Variants in OTUD7A observed in about 807,000 individuals in gnomAD.
OTUD7A encodes the protein OTU deubiquitinase 7A, also known as OTU domain-containing protein 7A.
OTUD7A carries 12 observed loss-of-function variants against 65.7 expected under a neutral mutation model. The ratio of observed to expected loss-of-function variants is 0.18; its 90% confidence interval spans 0.12 to 0.30. OTUD7A has a LOEUF of 0.30. Ranked by LOEUF, OTUD7A falls within the 10% of genes least tolerant of loss-of-function variation. The pLI is 1.00. For synonymous variants in OTUD7A, 641 were observed against 586.3 expected, an observed-to-expected ratio of 1.09 and a Z score of -1.35; for missense variants, 1,148 against 1,304.8, an observed-to-expected ratio of 0.88 and a Z score of 1.85.
chr15:31,744,530 G>A (rs1027075361), intron 1 of OTUD7A, among the ~76,000 whole-genome samples: 2 of 151,932 alleles, frequency 1.3e-5, no homozygotes, highest in African/African-American at 4.8e-5. Flanking sequence ...AAAAAATCCT[G>A]CAACCTTGAA....
chr15:31,486,720 A>G (rs549332465), intron 12 of OTUD7A, among the ~76,000 whole-genome samples: 1 of 152,380 alleles, frequency 6.6e-6, no homozygotes, highest in African/African-American at 2.4e-5. Context: ...GGCGCCGAGG[A>G]ATCGCGCTCT....
Position 31,530,471 on chromosome 15 carries a change from C to T in OTUD7A, c.652+236G>A, listed in dbSNP as rs1311604081. On this transcript the variant is annotated intron_variant, in intron 6 of 12. Coordinates refer to ENST00000307050, the MANE Select transcript of OTUD7A (RefSeq NM_001382637.1). ...CCATCCCTGCAGCTATGCTCAAGGC[C>T]TCCTTCTATCACGCCAGGTCTTTTC... Among the ~76,000 whole-genome samples, 4 of 152,344 alleles carry T rather than the reference C, an allele frequency of 2.6e-5. No individual in the cohort carries two copies. The South Asian group carries it at 8.3e-4, about 32-fold the overall frequency.
chr15:31,789,365 A>T (rs1327021453), intron 1 of OTUD7A, among the ~76,000 whole-genome samples: 2 of 152,226 alleles, frequency 1.3e-5, no homozygotes, highest in Non-Finnish European at 2.9e-5. Flanking sequence ...GTCTGAAAGT[A>T]ATCCCCCAAA....
chr15:31,864,437 C>T (rs918536209), intron 1 of OTUD7A, among the ~76,000 whole-genome samples: 6 of 152,206 alleles, frequency 3.9e-5, no homozygotes, highest in South Asian at 2.1e-4. Flanking sequence ...CTCAGAATTA[C>T]GGCAGGGAGC....
intron 1 of OTUD7A, chr15:31,765,785 C>G: frequency 7.4e-7 from 1 of 1,360,244 alleles, no homozygotes; most frequent in South Asian, 1.2e-5. Flanking sequence ...TTAAAATCAG[C>G]ATTGGTTGCT....
chr15:31,866,315 A>T (rs1020886546), intron 1 of OTUD7A, among the ~76,000 whole-genome samples: 1 of 152,218 alleles, frequency 6.6e-6, no homozygotes, highest in African/African-American at 2.4e-5. Flanking sequence ...ACTCCCTCCC[A>T]GTCCTAGTCT....
intron 1 of OTUD7A, among the ~76,000 whole-genome samples, chr15:31,777,466 G>C (rs1309216333): frequency 2.0e-5 from 3 of 152,184 alleles, no homozygotes; most frequent in Non-Finnish European, 4.4e-5. Context: ...GTGGACCCTG[G>C]ATGAACTGTG....
chr15:31,656,953 T>C (rs541208802), intron 2 of OTUD7A, 30 bp downstream of exon 2: 1 of 152,824 alleles, frequency 6.5e-6, no homozygotes, highest in Admixed American at 6.5e-5. Context: ...TTTTAGTTGA[T>C]GCGGCCAGAA....
At chr15:31,570,597 T>G (rs1889021587) in intron 3 of OTUD7A, among the ~76,000 whole-genome samples, 1 of 152,178 alleles carries the variant, frequency 6.6e-6, no homozygotes, top group African/African-American at 2.4e-5. Flanking sequence ...TTGAAATAAT[T>G]CTCAAAGTTT....
intron 10 of OTUD7A, among the ~76,000 whole-genome samples, chr15:31,496,732 G>A: frequency 6.6e-6 from 1 of 152,252 alleles, no homozygotes; most frequent in South Asian, 2.1e-4. Context: ...GAGCATAGGT[G>A]AGCATTTGAT....
intron 1 of OTUD7A, among the ~76,000 whole-genome samples, chr15:31,729,355 T>A (rs1893979318): frequency 6.6e-6 from 1 of 152,218 alleles, no homozygotes; most frequent in South Asian, 2.1e-4. Context: ...TCCTGGTCTG[T>A]AATAATAACT....
At chr15:31,565,921 G>A (rs918707989) in intron 4 of OTUD7A, among the ~76,000 whole-genome samples, 21 of 152,132 alleles carry the variant, frequency 1.4e-4, no homozygotes, top group Non-Finnish European at 2.6e-4. Context: ...GGCCGGGCAC[G>A]GTGGCTCACG....
At chr15:31,781,425 G>A (rs1339250024) in intron 1 of OTUD7A, among the ~76,000 whole-genome samples, 1 of 152,076 alleles carries the variant, frequency 6.6e-6, no homozygotes, top group Non-Finnish European at 1.5e-5. Flanking sequence ...TCTCAGCTGG[G>A]GTCCCAGACA....
At chr15:31,857,400 G>A (rs1316521926) in intron 1 of OTUD7A, among the ~76,000 whole-genome samples, 1 of 152,066 alleles carries the variant, frequency 6.6e-6, no homozygotes, top group Non-Finnish European at 1.5e-5. Flanking sequence ...GGGGGCAGGG[G>A]CTGGGAGTAT....
chr15:31,659,041 GAATAAATAAATA>G (rs199748846), intron 1 of OTUD7A, among the ~76,000 whole-genome samples: 2,632 of 125,456 alleles, frequency 0.021, 58 homozygotes, highest in African/African-American at 0.071. Context: ...ATGAATGAAT[GAATAAATAAATA>G]AATAAATAAA....
chr15:31,645,197 A>G (rs180673960), intron 3 of OTUD7A, among the ~76,000 whole-genome samples: 4 of 152,320 alleles, frequency 2.6e-5, no homozygotes, highest in African/African-American at 9.6e-5. Context: ...CAAGGCAGTG[A>G]GCTGGGCAAT....
chr15:31,476,369 G>C lies in OTUD7A; in HGVS notation c.*6925C>G, dbSNP rs147556532. On this transcript the variant is annotated 3_prime_UTR_variant, in exon 13 of 13. Coordinates refer to ENST00000307050, the MANE Select transcript of OTUD7A (RefSeq NM_001382637.1). ...CTCCCCACTGCCAAGTCATCATTCCGTATCAGGTGTTTGGATTCCATTCCT... is the reference window on the plus strand; with the variant it reads ...CTCCCCACTGCCAAGTCATCATTCCCTATCAGGTGTTTGGATTCCATTCCT... The C allele has an allele frequency of 2.0e-5, 3 of 152,288 alleles. No homozygotes were observed. The highest frequency in any genetic ancestry group is 6.5e-5 in the Admixed American group (1 of 15,278). 9.4% of individuals were successfully genotyped at this position (152,288 alleles called of 1,614,324 possible).
intron 5 of OTUD7A, among the ~76,000 whole-genome samples, chr15:31,532,802 C>T (rs1265310109): frequency 6.6e-5 from 10 of 151,786 alleles, no homozygotes; most frequent in South Asian, 2.1e-4. Flanking sequence ...GGCGTGGTGG[C>T]GGGCGCCTGT....
At chr15:31,822,570 T>C (rs191659759) in intron 1 of OTUD7A, among the ~76,000 whole-genome samples, 39 of 152,202 alleles carry the variant, frequency 2.6e-4, no homozygotes, top group Non-Finnish European at 4.6e-4. Context: ...ACCCTGCCTC[T>C]TTGTGGGCAG....
Sources: gnomAD v4.1 joint callset for allele counts (sites outside exome capture counted in the v4.1 genomes callset) on GRCh38, gnomAD v4.1.1 for gene constraint, MANE v1.5 for transcripts, NCBI Gene and HGNC (gene_info 2026-07-23, HGNC 2026-07-21) for gene names.